The following PRELID2 variants were observed in gnomAD, a reference collection of about 807,000 sequenced individuals.
PRELID2 encodes the protein PRELI domain containing 2, also known as PRELI domain-containing protein 2.
A neutral mutation model predicts 28.4 loss-of-function variants in PRELID2; 25 were observed. The ratio of observed to expected loss-of-function variants is 0.88; its 90% confidence interval spans 0.64 to 1.23. PRELID2 has a LOEUF of 1.23. Among genes scored for constraint, PRELID2 ranks in the 50% most tolerant of loss-of-function variants. The probability of loss-of-function intolerance (pLI) is 0.00; values close to 1 mark genes in which losing one functional copy is unlikely to be tolerated. For synonymous variants in PRELID2, 76 were observed against 71.6 expected (o/e 1.06, Z -0.31); for missense variants, 201 against 214.4 (o/e 0.94, Z 0.39).
intron 1 of PRELID2, among the ~76,000 whole-genome samples, chr5:145,737,854 C>T (rs1027290379): frequency 1.4e-4 from 22 of 152,176 alleles, no homozygotes; most frequent in Non-Finnish European, 3.2e-4. Context: ...AGTGTCATCC[C>T]ACCAGCAGGT....
the PRELID2 span, among the ~76,000 whole-genome samples, chr5:145,286,544 A>C: frequency 6.6e-6 from 1 of 152,140 alleles, no homozygotes; most frequent in African/African-American, 2.4e-5. Context: ...AACTCAGATC[A>C]TCTCACACAA....
At chr5:145,657,295 C>T (rs182145944) in intron 1 of PRELID2, among the ~76,000 whole-genome samples, 9 of 151,942 alleles carry the variant, frequency 5.9e-5, no homozygotes, top group East Asian at 1.9e-4. Context: ...AGAAAATCAA[C>T]GTGAGAAGAA....
intron 1 of PRELID2, among the ~76,000 whole-genome samples, chr5:145,725,480 A>G (rs936468153): frequency 3.9e-5 from 6 of 152,236 alleles, no homozygotes; most frequent in African/African-American, 1.4e-4. Flanking sequence ...TTAAAAAATA[A>G]AAAAGTCACT....
chr5:145,669,688 C>T (rs755375000), intron 1 of PRELID2, among the ~76,000 whole-genome samples: 14 of 152,144 alleles, frequency 9.2e-5, no homozygotes, highest in Non-Finnish European at 1.6e-4. Context: ...CACAACCATG[C>T]ATGTTTGCCT....
chr5:145,714,837 C>T (rs537216336), intron 1 of PRELID2, among the ~76,000 whole-genome samples: 9 of 151,996 alleles, frequency 5.9e-5, no homozygotes, highest in Admixed American at 5.2e-4. Flanking sequence ...CTCTTTCCTG[C>T]TCTTCTTTCT....
At chr5:145,553,338 A>T (rs574830981) in intron 1 of PRELID2, among the ~76,000 whole-genome samples, 54 of 152,238 alleles carry the variant, frequency 3.5e-4, no homozygotes, top group Non-Finnish European at 7.1e-4. Flanking sequence ...ACAAAGGCAC[A>T]GTCACCTGAG....
chr5:145,376,112 T>C, the PRELID2 span, among the ~76,000 whole-genome samples: 1 of 152,206 alleles, frequency 6.6e-6, no homozygotes, highest in East Asian at 1.9e-4. Context: ...GCAGTGGTGT[T>C]AAAATTTATC....
the PRELID2 span, chr5:145,229,839 C>T: frequency 7.9e-6 from 6 of 758,940 alleles, no homozygotes; most frequent in South Asian, 8.1e-5. Context: ...CGCCAAGTCC[C>T]AGGAGCCGGC....
chr5:145,682,767 A>G (rs919268590), intron 1 of PRELID2, among the ~76,000 whole-genome samples: 2 of 152,184 alleles, frequency 1.3e-5, no homozygotes, highest in Non-Finnish European at 2.9e-5. Flanking sequence ...TAAATTAAAG[A>G]GCCCAGCAGC....
the PRELID2 span, among the ~76,000 whole-genome samples, chr5:145,423,321 T>C: frequency 6.6e-6 from 1 of 151,252 alleles, no homozygotes; most frequent in South Asian, 2.1e-4. Flanking sequence ...GATAATATCC[T>C]GCAGAGTGTT....
At chr5:145,280,108 T>C in the PRELID2 span, among the ~76,000 whole-genome samples, 1 of 152,152 alleles carries the variant, frequency 6.6e-6, no homozygotes, top group African/African-American at 2.4e-5. Context: ...TCTTAGCAAT[T>C]GGCTATCTTA....
At chr5:145,391,016 C>T in the PRELID2 span, among the ~76,000 whole-genome samples, 2 of 152,298 alleles carry the variant, frequency 1.3e-5, no homozygotes, top group East Asian at 1.9e-4. Context: ...AAATGGGCTC[C>T]CATGGCCTTG....
At chr5:145,253,237 T>G in the PRELID2 span, among the ~76,000 whole-genome samples, 3 of 152,166 alleles carry the variant, frequency 2.0e-5, no homozygotes, top group African/African-American at 7.2e-5. Context: ...TAGGATATTC[T>G]ATTGAGGTAG....
chr5:145,619,407 G>A (rs533902933), intron 1 of PRELID2, among the ~76,000 whole-genome samples: 12 of 152,262 alleles, frequency 7.9e-5, no homozygotes, highest in Admixed American at 3.9e-4. Context: ...TATTTCACTC[G>A]GCTGTCTAAA....
At chr5:145,334,493 GT>G in the PRELID2 span, among the ~76,000 whole-genome samples, 1 of 152,004 alleles carries the variant, frequency 6.6e-6, no homozygotes, top group African/African-American at 2.4e-5. Flanking sequence ...GTTAAAAGTG[GT>G]TTACACACCA....
chr5:145,763,072 T>C (rs1372780275), intron 6 of PRELID2, among the ~76,000 whole-genome samples: 3 of 152,232 alleles, frequency 2.0e-5, no homozygotes, highest in African/African-American at 7.2e-5. Flanking sequence ...TCCAGATGAC[T>C]CTGATGCTCA....
chr5:145,832,955 A>G (rs1984956), intron 1 of PRELID2, among the ~76,000 whole-genome samples: 99,194 of 152,000 alleles, frequency 0.65, 34,148 homozygotes, highest in Non-Finnish European at 0.78. Context: ...TTTTCCTTTC[A>G]TAAGTACACA....
At chr5:145,424,030 C>G in the PRELID2 span, among the ~76,000 whole-genome samples, 1 of 150,490 alleles carries the variant, frequency 6.6e-6, no homozygotes. Flanking sequence ...TGGGGGGTGC[C>G]TCCCAGTTAG....
At position 145,476,963 on chromosome 5, in the gene PRELID2, C is replaced by G. The variant is rs141126340; in HGVS notation, n.71-3648G>C. ...TTAATTCGTTAATAATTAATAGTAG[C>G]TCATAGAAAAAACATATTTTTCAGG... On this transcript the variant is annotated intron_variant and non_coding_transcript_variant, in intron 1 of 2. Coordinates refer to the PRELID2 transcript ENST00000510259. 6.3e-4 allele frequency among the ~76,000 whole-genome samples: 96 copies of G among 152,182 alleles called. 1 individual carries two copies. In the East Asian group the frequency reaches 0.016, roughly 25 times the overall value.
Sources: allele counts gnomAD v4.1 joint callset (sites outside exome capture counted in the v4.1 genomes callset), GRCh38; gene constraint gnomAD v4.1.1; transcripts MANE v1.5; gene names NCBI Gene and HGNC (gene_info 2026-07-23, HGNC 2026-07-21).